The following KNDC1 variants were observed in gnomAD, a reference collection of about 807,000 sequenced individuals.
KNDC1 encodes the protein kinase non-catalytic C-lobe domain-containing protein 1.
In KNDC1, 106 loss-of-function variants were observed where a neutral mutation model predicts 172.8. The observed-to-expected ratio is 0.61, with a 90% confidence interval of 0.52 to 0.72. The LOEUF is 0.72. KNDC1 is among the 30% of genes least tolerant of loss of function. KNDC1 has a pLI of 0.00. For synonymous variants in KNDC1, 1,083 were observed against 1,062.2 expected (o/e 1.02, Z -0.38); for missense variants, 2,325 against 2,394.5 (o/e 0.97, Z 0.61).
At chr10:133,200,565 T>C in intron 16 of KNDC1, 105 bp downstream of exon 16, 1 of 898,292 alleles carries the variant, frequency 1.1e-6, no homozygotes, top group Admixed American at 4.0e-5. Context: ...CAGACTGCAC[T>C]GCTCCAGCGG....
chr10:133,213,401 C>G (rs1845411052), intron 24 of KNDC1, among the ~76,000 whole-genome samples: 1 of 152,230 alleles, frequency 6.6e-6, no homozygotes, highest in Non-Finnish European at 1.5e-5. Context: ...TAGCAGGTGA[C>G]AGCAGTGATG....
At chr10:133,183,726 A>G (rs1455778617) in intron 4 of KNDC1, 146 bp from the exon 5 acceptor site, 1 of 787,270 alleles carries the variant, frequency 1.3e-6, no homozygotes, top group Non-Finnish European at 2.0e-6. Flanking sequence ...CTGCCTTTTC[A>G]TACTAGAAAA....
At position 133,199,555 on chromosome 10, in the gene KNDC1, G is replaced by T. The variant is rs749004826; in HGVS notation, c.2856G>T (p.Leu952=). 8.7e-6 allele frequency: 14 copies of T among 1,613,732 alleles called. No individual in the cohort carries two copies. The highest frequency in any genetic ancestry group is 1.1e-5 in the Non-Finnish European group (13 of 1,180,004). Residue 952 remains leucine, a synonymous_variant, in exon 15 of 30, where the codon CTG becomes CTT. Coordinates refer to ENST00000304613, the MANE Select transcript of KNDC1 (RefSeq NM_152643.8). ...ACCTGTACTGGGATGAGAAGTTGCT[G>T]CAGAACCTCTTTAAGGTGGTCAACG... ...FCDLYWDEKL[L]QNLFKVVNGQ...
chr10:133,210,364 C>CA (rs57759593), intron 20 of KNDC1, among the ~76,000 whole-genome samples: 1,382 of 74,216 alleles, frequency 0.019, 9 homozygotes, highest in East Asian at 0.035. Flanking sequence ...GAAACTCTGC[C>CA]AAAAAAAAAA....
chr10:133,219,226 C>T (rs1845531150), intron 28 of KNDC1, 136 bp downstream of exon 28: 4 of 1,072,132 alleles, frequency 3.7e-6, no homozygotes, highest in East Asian at 2.6e-5. Context: ...GGTGGCCTCA[C>T]GGAGGCCTTG....
chr10:133,217,032 C>G (rs560837969), intron 26 of KNDC1, among the ~76,000 whole-genome samples: 1 of 152,112 alleles, frequency 6.6e-6, no homozygotes, highest in Non-Finnish European at 1.5e-5. Context: ...GAGTGGGGCA[C>G]GGGGAGCTCG....
intron 11 of KNDC1, among the ~76,000 whole-genome samples, chr10:133,197,388 G>A (rs1854224098): frequency 6.6e-6 from 1 of 152,200 alleles, no homozygotes; most frequent in Non-Finnish European, 1.5e-5. Context: ...ACCCACCCCG[G>A]GCGCAGAGAG....
At chr10:133,176,966 C>G (rs1169093929) in intron 3 of KNDC1, among the ~76,000 whole-genome samples, 1 of 152,200 alleles carries the variant, frequency 6.6e-6, no homozygotes, top group Non-Finnish European at 1.5e-5. Context: ...CATGGCAGGG[C>G]CAGAATTCAG....
Position 133,177,667 on chromosome 10 carries a change from G to A in KNDC1, c.361-5677G>A, listed in dbSNP as rs575654087. ...GTTGCATGATGTGTACATGCATGTG[G>A]TGTGTATATCATGGGCACATGTGTG... On this transcript the variant is annotated intron_variant, in intron 3 of 29. Coordinates refer to ENST00000304613, the MANE Select transcript of KNDC1 (RefSeq NM_152643.8). 1.7e-3 allele frequency among the ~76,000 whole-genome samples: 242 copies of A among 144,772 alleles called. 1 individual carries two copies. The highest frequency in any genetic ancestry group is 4.7e-3 in the African/African-American group (188 of 40,386). 95.0% of individuals were successfully genotyped at this position (144,772 alleles called of 152,430 possible). A position where few individuals can be genotyped will look rare whatever the true frequency, so the allele number is the denominator to read the frequency against.
chr10:133,167,412 T>C lies in KNDC1; in HGVS notation c.134T>C (p.Leu45Pro). Residue 45 changes from leucine to proline, a missense_variant, in exon 2 of 30, where the codon CTG (leucine) becomes CCG (proline). Leu to Pro is a moderately conservative substitution (Grantham distance 98, BLOSUM62 -3). Coordinates refer to ENST00000304613, the MANE Select transcript of KNDC1 (RefSeq NM_152643.8). ...ENVSLADILS[L>P]RDRGLSEQEA... The stretch of plus-strand genomic sequence containing the variant: ...GTGTCTCTGGCTGACATCCTCTCCC[T>C]GCGGGACCGCGGCCTCAGCGAGCAG... 1.3e-6 allele frequency: 2 copies of C among 1,599,946 alleles called. No individual in the cohort carries two copies. Among genetic ancestry groups the C allele is most frequent in the Non-Finnish European group, 1.7e-6 (2 of 1,175,118 alleles).
chr10:133,170,853 A>G (rs1272883194), intron 3 of KNDC1, among the ~76,000 whole-genome samples: 1 of 152,164 alleles, frequency 6.6e-6, no homozygotes, highest in African/African-American at 2.4e-5. Context: ...CCCAAGCCCA[A>G]CCCCAGCCCT....
intron 26 of KNDC1, among the ~76,000 whole-genome samples, chr10:133,216,986 C>G (rs903571894): frequency 2.6e-5 from 4 of 152,224 alleles, no homozygotes; most frequent in African/African-American, 9.6e-5. Context: ...GCAAGATTCA[C>G]GGAGACAAAG....
chr10:133,164,041 C>G, intron 1 of KNDC1: 1 of 115,546 alleles, frequency 8.7e-6, no homozygotes. Flanking sequence ...TGTCCACCTG[C>G]CTTCCCAAAT....
intron 5 of KNDC1, 41 bp from the exon 6 acceptor site, chr10:133,185,933 G>GGAGGA (rs1853895337): frequency 8.0e-7 from 1 of 1,257,484 alleles, no homozygotes; most frequent in African/African-American, 2.2e-5. Context: ...GGGAGGGGCG[G>GGAGGA]GAGGGGCACC....
In KNDC1 at chr10:133,225,210, C is replaced by A; in HGVS notation, c.*320C>A. 2.9e-6 allele frequency: 1 copy of A among 339,840 alleles called. No homozygotes were observed. The highest frequency in any genetic ancestry group is 5.6e-6 in the Non-Finnish European group (1 of 178,050). The allele number at this position is 339,840 out of a possible 1,614,324, so 21.1% of individuals were successfully genotyped here. A position where few individuals can be genotyped will look rare whatever the true frequency, so the allele number is the denominator to read the frequency against. Reference sequence around the variant, plus strand: ...TGTGCCTGTCTGCGCCTCTCACACACAGATAAGTGGCTCTTACCCAGCTCT... The same window carrying A: ...TGTGCCTGTCTGCGCCTCTCACACAAAGATAAGTGGCTCTTACCCAGCTCT... On this transcript the variant is annotated 3_prime_UTR_variant, in exon 30 of 30. Coordinates refer to ENST00000304613, the MANE Select transcript of KNDC1 (RefSeq NM_152643.8).
Position 133,198,633 on chromosome 10 carries a change from G to A in KNDC1, c.2125G>A (p.Gly709Arg). The change falls in exon 14 of 30, where the codon GGA becomes AGA. Residue 709 changes from glycine (G) to arginine (R), a missense_variant. Gly to Arg is a moderately radical substitution (Grantham distance 125). Coordinates refer to ENST00000304613, the MANE Select transcript of KNDC1 (RefSeq NM_152643.8). ...ESEERGGQRE[G>R]EGEEKLSLEA... ...CGAGGAGAGGGGCGGCCAGAGGGAG[G>A]GAGAAGGTGAGGAGAAGCTCTCCCT... 6.2e-7 allele frequency: 1 copy of A among 1,605,626 alleles called. No individual in the cohort carries two copies. The highest frequency in any genetic ancestry group is 1.1e-5 in the South Asian group (1 of 89,814).
At position 133,196,931 on chromosome 10, in the gene KNDC1, T is replaced by G. The variant is rs1444760884; in HGVS notation, c.1735-127T>G. ...CTTGTCCGGGGCCTGTAGTTGGGTG[T>G]CGGTGAGAACAAACAGGAAACCCTC... On this transcript the variant is annotated intron_variant, in intron 10 of 29. Coordinates refer to ENST00000304613, the MANE Select transcript of KNDC1 (RefSeq NM_152643.8). 1.4e-5 allele frequency: 10 copies of G among 700,594 alleles called. No individual in the cohort carries two copies. The East Asian group carries it at 1.6e-4, about 11-fold the overall frequency. 43.4% of individuals were successfully genotyped at this position (700,594 alleles called of 1,614,324 possible). A position where few individuals can be genotyped will look rare whatever the true frequency, so the allele number is the denominator to read the frequency against.
chr10:133,221,915 AGGCCG>A (rs1845598746), intron 29 of KNDC1, among the ~76,000 whole-genome samples: 1 of 24,572 alleles, frequency 4.1e-5, no homozygotes, highest in African/African-American at 7.7e-5. Flanking sequence ...AACCCTAGGT[AGGCCG>A]GGCTGGGTGC....
intron 6 of KNDC1, 37 bp from the exon 7 acceptor site, chr10:133,188,502 G>T (rs1322446211): frequency 7.3e-7 from 1 of 1,374,950 alleles, no homozygotes; most frequent in Admixed American, 2.0e-5. Flanking sequence ...CCTGGCAAGG[G>T]GTGTCCACAC....
Sources: allele counts gnomAD v4.1 joint callset (sites outside exome capture counted in the v4.1 genomes callset), GRCh38; gene constraint gnomAD v4.1.1; transcripts MANE v1.5; gene names NCBI Gene and HGNC (gene_info 2026-07-23, HGNC 2026-07-21).